The following SYNJ1 variants were observed in gnomAD, a reference collection of about 807,000 sequenced individuals.
SYNJ1 encodes polyphosphatidylinositol phosphatase SYNJ1.
SYNJ1 carries 78 observed loss-of-function variants against 168.2 expected under a neutral mutation model. That is an observed-to-expected ratio of 0.46 (90% confidence interval 0.39 to 0.56). The LOEUF is 0.56. Ranked by LOEUF, SYNJ1 falls within the 20% of genes least tolerant of loss-of-function variation. SYNJ1 has a pLI of 0.00. For synonymous variants in SYNJ1, 539 were observed against 548.6 expected, an observed-to-expected ratio of 0.98 and a Z score of 0.24; for missense variants, 1,303 against 1,597.6, an observed-to-expected ratio of 0.82 and a Z score of 3.14.
At chr21:32,645,137 A>G (rs1368901307) in intron 25 of SYNJ1, 131 bp from the exon 26 acceptor site, 1 of 822,046 alleles carries the variant, frequency 1.2e-6, no homozygotes, top group Non-Finnish European at 1.8e-6. Flanking sequence ...ACGTACTACA[A>G]AAACTATTAT....
intron 23 of SYNJ1, among the ~76,000 whole-genome samples, chr21:32,647,211 A>G (rs542449864): frequency 6.6e-6 from 1 of 152,354 alleles, no homozygotes; most frequent in East Asian, 1.9e-4. Flanking sequence ...CTGAACAAAA[A>G]GTCCTACTGC....
intron 2 of SYNJ1, among the ~76,000 whole-genome samples, chr21:32,720,771 C>T (rs1052851178): frequency 6.6e-6 from 1 of 152,224 alleles, no homozygotes; most frequent in Admixed American, 6.5e-5. Flanking sequence ...ACCTCACCTC[C>T]CCATCTTTTA....
chr21:32,706,629 T>C (rs1482261976), intron 2 of SYNJ1, among the ~76,000 whole-genome samples: 3 of 152,126 alleles, frequency 2.0e-5, no homozygotes, highest in Admixed American at 6.5e-5. Context: ...TAAAAATACA[T>C]ATACTTATTC....
chr21:32,633,247 G>A (rs1463913509), intron 32 of SYNJ1, among the ~76,000 whole-genome samples: 1 of 152,102 alleles, frequency 6.6e-6, no homozygotes, highest in East Asian at 1.9e-4. Context: ...AGTTGGCTGT[G>A]AACTGTTATC....
Position 32,666,170 on chromosome 21 carries a change from A to C in SYNJ1, c.1953-35T>G, listed in dbSNP as rs762920377. The C allele has an allele frequency of 3.2e-6, 5 of 1,570,160 alleles. No individual in the cohort carries two copies. In the East Asian group the frequency reaches 9.1e-5, roughly 28 times the overall value. ...AAAGAATTCTAAATCGCAGATTTGA[A>C]ATTTCAAGAGTTCCATGTGCATAGG... On this transcript the variant is annotated intron_variant, in intron 16 of 32. Coordinates refer to ENST00000674351, the MANE Select transcript of SYNJ1 (RefSeq NM_203446.3).
At chr21:32,650,482 T>C (rs2040235416) in intron 22 of SYNJ1, 136 bp from the exon 23 acceptor site, 1 of 703,010 alleles carries the variant, frequency 1.4e-6, no homozygotes, top group Non-Finnish European at 2.2e-6. Context: ...ACTAAAGAAA[T>C]AGTTCTTTCA....
intron 8 of SYNJ1, 52 bp from the exon 9 acceptor site, chr21:32,685,969 T>C (rs763328775): frequency 6.4e-7 from 1 of 1,554,420 alleles, no homozygotes; most frequent in Non-Finnish European, 8.7e-7. Flanking sequence ...AAGGCAAATA[T>C]CCATCTAAAT....
chr21:32,643,273 G>T, intron 27 of SYNJ1, 137 bp downstream of exon 27: 1 of 816,008 alleles, frequency 1.2e-6, no homozygotes, highest in South Asian at 1.7e-5. Flanking sequence ...GTATACATAA[G>T]GAGGGGAAAG....
At chr21:32,664,782 T>G in intron 18 of SYNJ1, 131 bp downstream of exon 18, 1 of 684,808 alleles carries the variant, frequency 1.5e-6, no homozygotes, top group South Asian at 2.8e-5. Flanking sequence ...ATAATTCTAT[T>G]ATCTGTTTAC....
intron 11 of SYNJ1, among the ~76,000 whole-genome samples, chr21:32,679,321 A>G (rs1244681909): frequency 6.6e-6 from 1 of 152,188 alleles, no homozygotes; most frequent in East Asian, 1.9e-4. Flanking sequence ...CTAAGAATGA[A>G]GGTCTAGTCT....
chr21:32,690,688 C>T (rs750585702), intron 6 of SYNJ1, among the ~76,000 whole-genome samples: 1 of 151,296 alleles, frequency 6.6e-6, no homozygotes, highest in South Asian at 2.1e-4. Flanking sequence ...GTCAGGAGTT[C>T]GAGACCAGCG....
At chr21:32,643,352 C>T (rs928899659) in intron 27 of SYNJ1, 58 bp downstream of exon 27, 15 of 1,577,406 alleles carry the variant, frequency 9.5e-6, no homozygotes, top group African/African-American at 5.4e-5. Flanking sequence ...GGAGGTGGGG[C>T]GCTGACACTG....
At chr21:32,634,276 C>A (rs1297210258) in intron 32 of SYNJ1, among the ~76,000 whole-genome samples, 1 of 152,176 alleles carries the variant, frequency 6.6e-6, no homozygotes, top group East Asian at 1.9e-4. Flanking sequence ...CCATTCATCA[C>A]ATTAGAATTA....
At chr21:32,671,382 T>C (rs1450496475) in intron 14 of SYNJ1, among the ~76,000 whole-genome samples, 1 of 152,164 alleles carries the variant, frequency 6.6e-6, no homozygotes, top group Non-Finnish European at 1.5e-5. Flanking sequence ...TTGACTGCTA[T>C]TATGTGCAAG....
chr21:32,635,667 T>G (rs1052605790), intron 31 of SYNJ1, among the ~76,000 whole-genome samples: 5 of 152,178 alleles, frequency 3.3e-5, no homozygotes, highest in Admixed American at 3.3e-4. Context: ...AATGGTACCA[T>G]TTTTGGTACA....
intron 14 of SYNJ1, among the ~76,000 whole-genome samples, 153 bp from the exon 15 acceptor site, chr21:32,670,525 AT>A (rs1271222888): frequency 6.6e-6 from 1 of 152,246 alleles, no homozygotes; most frequent in African/African-American, 2.4e-5. Flanking sequence ...CTTGAGTGGA[AT>A]GAAATTATTA....
intron 2 of SYNJ1, among the ~76,000 whole-genome samples, chr21:32,719,646 G>C (rs866739697): frequency 3.3e-5 from 5 of 151,674 alleles, no homozygotes; most frequent in Middle Eastern, 3.4e-3. Flanking sequence ...CCCGTAGGCA[G>C]AGGTTGCAGT....
At chr21:32,663,661 C>T (rs2040805187) in intron 18 of SYNJ1, among the ~76,000 whole-genome samples, 1 of 152,126 alleles carries the variant, frequency 6.6e-6, no homozygotes, top group South Asian at 2.1e-4. Flanking sequence ...TGAATGGCCC[C>T]CTGAGAGAAT....
Position 32,653,290 on chromosome 21 carries a change from C to G in SYNJ1, c.2872G>C (p.Glu958Gln). ...ALNVLSLNGK[E>Q]LLNRTITIAL... ...AGAATCAACAAATGCTACCTTACCT[C>G]TTTACCATTTAGGCTCAGAACATTC... The change falls in exon 22 of 33, where the codon GAG (glutamate) becomes CAG (glutamine). Residue 958 changes from glutamate (E) to glutamine (Q), a missense_variant and splice_region_variant. This residue lies in a region of SYNJ1 where 920 missense variants were observed against 1,208.8 expected (regional missense o/e 0.76). Transcript: ENST00000674351. The G allele has an allele frequency of 6.2e-7, 1 of 1,612,290 alleles. No homozygotes were observed. Among genetic ancestry groups the G allele is most frequent in the East Asian group, 2.2e-5 (1 of 44,840 alleles).
Sources: allele counts gnomAD v4.1 joint callset (sites outside exome capture counted in the v4.1 genomes callset), GRCh38; gene constraint gnomAD v4.1.1; regional missense constraint gnomAD v4.1.1; transcripts MANE v1.5; gene names NCBI Gene and HGNC (gene_info 2026-07-23, HGNC 2026-07-21).